ATAD2B: variants seen among roughly 807,000 people sequenced by gnomAD.
ATAD2B encodes the protein ATPase family AAA domain-containing protein 2B.
ATAD2B carries 40 observed loss-of-function variants against 167.6 expected under a neutral mutation model. That is an observed-to-expected ratio of 0.24 (90% confidence interval 0.19 to 0.31). ATAD2B has a LOEUF of 0.31. Among genes scored for constraint, ATAD2B ranks in the 10% least tolerant of loss-of-function variants. The pLI is 1.00. For synonymous variants in ATAD2B, 579 were observed against 596.5 expected (o/e 0.97, Z 0.43); for missense variants, 1,242 against 1,757.2 (o/e 0.71, Z 5.24).
intron 22 of ATAD2B, among the ~76,000 whole-genome samples, chr2:23,775,316 C>T (rs376187537): frequency 4.6e-5 from 7 of 151,200 alleles, no homozygotes; most frequent in Admixed American, 2.0e-4. Flanking sequence ...TAGGTTCAAG[C>T]GATTCTCCTG....
rs147747015 is a variant in ATAD2B, at chr2:23,911,936, T to C, written c.216+14619A>G. On this transcript the variant is annotated intron_variant, in intron 1 of 27. Coordinates refer to ENST00000238789, the MANE Select transcript of ATAD2B (RefSeq NM_017552.4). ...GTTGCAGTGAGCCAAGATCACGCCA[T>C]TGCATACTCCAGCCTGGGTGACAGA... is the stretch of plus-strand genomic sequence containing the variant. Among the ~76,000 whole-genome samples the C allele has an allele frequency of 8.7e-5, 13 of 150,078 alleles. No homozygotes were observed. In the East Asian group the frequency reaches 2.3e-3, roughly 27 times the overall value.
At chr2:23,699,654 C>T in the ATAD2B span, among the ~76,000 whole-genome samples, 1 of 152,226 alleles carries the variant, frequency 6.6e-6, no homozygotes, top group Non-Finnish European at 1.5e-5. Context: ...CTGCACCCCA[C>T]ATCAGCAGAT....
chr2:23,678,027 CT>C, the ATAD2B span, among the ~76,000 whole-genome samples: 1 of 152,166 alleles, frequency 6.6e-6, no homozygotes, highest in Non-Finnish European at 1.5e-5. Context: ...AATTCTTTGC[CT>C]TTTAATATTT....
chr2:23,917,281 T>G (rs185050924), intron 1 of ATAD2B, among the ~76,000 whole-genome samples: 69 of 152,358 alleles, frequency 4.5e-4, no homozygotes, highest in Middle Eastern at 6.8e-3. Flanking sequence ...ACATACTTTC[T>G]GGGTATTTTA....
chr2:23,825,099 C>T (rs1182660306), intron 15 of ATAD2B, among the ~76,000 whole-genome samples: 2 of 146,300 alleles, frequency 1.4e-5, no homozygotes, highest in East Asian at 2.1e-4. Context: ...TGTGCCATCA[C>T]ATCAGGCTAA....
intron 14 of ATAD2B, among the ~76,000 whole-genome samples, chr2:23,830,355 G>GT (rs937108335): frequency 4.0e-4 from 61 of 152,078 alleles, no homozygotes; most frequent in African/African-American, 1.4e-3. Flanking sequence ...ACCACCAACG[G>GT]TAAGATCAGA....
At chr2:23,859,845 G>A (rs557926772) in intron 12 of ATAD2B, among the ~76,000 whole-genome samples, 1 of 151,938 alleles carries the variant, frequency 6.6e-6, no homozygotes. Flanking sequence ...AGCTACTCGG[G>A]AGGCTGAGGC....
rs1408372664 is a variant in ATAD2B at position 23,786,230 on chromosome 2, A to G, written c.2777-7T>C. The G allele has an allele frequency of 5.2e-6, 8 of 1,552,350 alleles. No homozygotes were observed. The highest frequency in any genetic ancestry group is 7.0e-6 in the Non-Finnish European group (8 of 1,148,562). On this transcript the variant is annotated splice_region_variant and splice_polypyrimidine_tract_variant and intron_variant, in intron 20 of 27. Coordinates refer to ENST00000238789, the MANE Select transcript of ATAD2B (RefSeq NM_017552.4). Reference sequence around the variant, plus strand: ...ACTTCCATAGCACAAAGAGCTAGAGAAAACAGAAGAAAATGTTAAGATTCC... The same window carrying G: ...ACTTCCATAGCACAAAGAGCTAGAGGAAACAGAAGAAAATGTTAAGATTCC...
At chr2:23,800,216 A>C (rs1292588932) in intron 18 of ATAD2B, among the ~76,000 whole-genome samples, 3 of 152,238 alleles carry the variant, frequency 2.0e-5, no homozygotes, top group Non-Finnish European at 4.4e-5. Context: ...AAGGAAACAA[A>C]GGTGATCATA....
intron 17 of ATAD2B, among the ~76,000 whole-genome samples, chr2:23,814,183 A>T (rs1305644901): frequency 6.6e-6 from 1 of 152,228 alleles, no homozygotes; most frequent in African/African-American, 2.4e-5. Context: ...TTATATGCAT[A>T]GTTTTCAAAA....
the ATAD2B span, among the ~76,000 whole-genome samples, chr2:23,698,204 CG>C: frequency 1.3e-5 from 2 of 152,260 alleles, no homozygotes; most frequent in South Asian, 2.1e-4. Context: ...GAGACCACCC[CG>C]GGAACCCCAA....
At chr2:23,736,334 G>A in the ATAD2B span, among the ~76,000 whole-genome samples, 1 of 152,016 alleles carries the variant, frequency 6.6e-6, no homozygotes, top group Admixed American at 6.6e-5. Flanking sequence ...CTGGAAAGCA[G>A]GTTTTTAGTC....
chr2:23,786,285 A>G (rs1270647745), intron 20 of ATAD2B, 62 bp from the exon 21 acceptor site: 4 of 1,312,606 alleles, frequency 3.0e-6, no homozygotes, highest in Non-Finnish European at 4.2e-6. Context: ...CTTTTTTGGC[A>G]TTCTCTCAAA....
At chr2:23,767,478 T>C (rs2149336110) in intron 22 of ATAD2B, among the ~76,000 whole-genome samples, 1 of 152,320 alleles carries the variant, frequency 6.6e-6, no homozygotes, top group South Asian at 2.1e-4. Flanking sequence ...AAATTTTATA[T>C]TCAAGTGCTT....
At chr2:23,793,185 A>C (rs532247856) in intron 19 of ATAD2B, among the ~76,000 whole-genome samples, 1 of 152,262 alleles carries the variant, frequency 6.6e-6, no homozygotes, top group Admixed American at 6.5e-5. Context: ...AGACAATGAC[A>C]AGAAACATTT....
At chr2:23,829,961 C>T (rs1403775425) in intron 14 of ATAD2B, among the ~76,000 whole-genome samples, 1 of 150,608 alleles carries the variant, frequency 6.6e-6, no homozygotes, top group East Asian at 2.0e-4. Flanking sequence ...GCTTCCAAAA[C>T]AAACAGAAAT....
chr2:23,905,860 GC>G (rs1364188268), intron 1 of ATAD2B, among the ~76,000 whole-genome samples: 5 of 152,130 alleles, frequency 3.3e-5, no homozygotes, highest in Admixed American at 2.0e-4. Context: ...GGTAGTCCCT[GC>G]CTTTCATGGA....
chr2:23,724,818 C>T, the ATAD2B span, among the ~76,000 whole-genome samples: 35 of 152,006 alleles, frequency 2.3e-4, no homozygotes, highest in South Asian at 5.4e-3. Flanking sequence ...CCGAGGTGGG[C>T]GGATCACGAG....
At chr2:23,859,774 G>A (rs904663339) in intron 12 of ATAD2B, among the ~76,000 whole-genome samples, 11 of 151,594 alleles carry the variant, frequency 7.3e-5, no homozygotes, top group Admixed American at 2.0e-4. Flanking sequence ...ATGGTGAAAC[G>A]CCGTCTCTAC....
Sources: allele counts gnomAD v4.1 joint callset (sites outside exome capture counted in the v4.1 genomes callset), GRCh38; gene constraint gnomAD v4.1.1; transcripts MANE v1.5; gene names NCBI Gene and HGNC (gene_info 2026-07-23, HGNC 2026-07-21).